The following SV2C variants were observed in gnomAD, a reference collection of about 807,000 sequenced individuals.
SV2C encodes the protein synaptic vesicle glycoprotein 2C.
A neutral mutation model predicts 79.7 loss-of-function variants in SV2C; 49 were observed. That is an observed-to-expected ratio of 0.61 (90% CI 0.49 to 0.78). The LOEUF (loss-of-function observed/expected upper bound fraction) is 0.78. Ranked by LOEUF, SV2C falls within the 30% of genes least tolerant of loss-of-function variation. SV2C has a pLI of 0.00. For synonymous variants in SV2C, 334 were observed against 333.2 expected (o/e 1.00, Z -0.03); for missense variants, 833 against 912.9 (o/e 0.91, Z 1.13).
At chr5:75,958,564 G>A in the SV2C span, among the ~76,000 whole-genome samples, 2 of 151,884 alleles carry the variant, frequency 1.3e-5, no homozygotes, top group African/African-American at 2.4e-5. Context: ...TGCATCCTTC[G>A]CCCTGACTTT....
intron 1 of SV2C, among the ~76,000 whole-genome samples, chr5:76,086,892 C>T (rs1389450393): frequency 6.6e-6 from 1 of 152,116 alleles, no homozygotes; most frequent in Non-Finnish European, 1.5e-5. Flanking sequence ...TTAGGGACAG[C>T]AGTAGTATTT....
the SV2C span, among the ~76,000 whole-genome samples, chr5:75,936,198 CCT>C: frequency 6.6e-6 from 1 of 152,040 alleles, no homozygotes; most frequent in African/African-American, 2.4e-5. Context: ...CTATGTCTTC[CCT>C]CTCTCTCTCC....
chr5:75,970,204 G>T, the SV2C span, among the ~76,000 whole-genome samples: 1 of 151,788 alleles, frequency 6.6e-6, no homozygotes, highest in Non-Finnish European at 1.5e-5. Context: ...AGCACTAAAT[G>T]CCCACAAGAG....
At chr5:76,094,784 G>T (rs938242867) in intron 1 of SV2C, among the ~76,000 whole-genome samples, 1 of 151,888 alleles carries the variant, frequency 6.6e-6, no homozygotes, top group African/African-American at 2.4e-5. Flanking sequence ...TTTTCAATTG[G>T]GTTGCTTGCT....
chr5:75,876,434 AAGAG>A, the SV2C span, among the ~76,000 whole-genome samples: 2 of 152,036 alleles, frequency 1.3e-5, no homozygotes, highest in Non-Finnish European at 2.9e-5. Flanking sequence ...GTAGGGTGGG[AAGAG>A]AGAGAGGAGC....
chr5:76,032,366 T>C, the SV2C span, among the ~76,000 whole-genome samples: 1 of 152,200 alleles, frequency 6.6e-6, no homozygotes, highest in Non-Finnish European at 1.5e-5. Context: ...CATCTAGCAT[T>C]AGGTATATCT....
At chr5:76,025,389 A>T in the SV2C span, among the ~76,000 whole-genome samples, 1 of 152,128 alleles carries the variant, frequency 6.6e-6, no homozygotes, top group Non-Finnish European at 1.5e-5. Context: ...ATATGTTCAG[A>T]TGGCATAATG....
rs1749050894 is a variant in SV2C at position 76,327,609 on chromosome 5, GA to G, written c.*2064del. ...GGGGACCTGAGCAGGTCTTTTAGTT[GA>G]ATGCAGCATGTGCAGAAATAACTGC... On this transcript the variant is annotated 3_prime_UTR_variant, in exon 13 of 13. Coordinates refer to ENST00000502798, the MANE Select transcript of SV2C (RefSeq NM_014979.4). 1 of 152,154 alleles carries G rather than the reference GA, an allele frequency of 6.6e-6. No individual in the cohort carries two copies. Among genetic ancestry groups the G allele is most frequent in the African/African-American group, 2.4e-5 (1 of 41,420 alleles). The allele number at this position is 152,154 out of a possible 1,614,324, so 9.4% of individuals were successfully genotyped here.
downstream of SV2C, among the ~76,000 whole-genome samples, chr5:76,338,234 A>C (rs73764349): frequency 0.056 from 8,525 of 152,282 alleles, 822 homozygotes; most frequent in African/African-American, 0.19. Context: ...GATAAGCTCC[A>C]ACCTTGACTC....
chr5:76,241,183 T>TC (rs905158106), intron 4 of SV2C, among the ~76,000 whole-genome samples: 8 of 34,978 alleles, frequency 2.3e-4, no homozygotes, highest in African/African-American at 1.4e-3. Flanking sequence ...TCTCAATCTC[T>TC]TTTTTTTTTT....
At chr5:76,316,129 A>G (rs1450762249) in intron 12 of SV2C, among the ~76,000 whole-genome samples, 1 of 152,250 alleles carries the variant, frequency 6.6e-6, no homozygotes, top group South Asian at 2.1e-4. Flanking sequence ...AATGAAAAAA[A>G]AGCAGAAAGC....
At chr5:76,096,157 A>C (rs965080551) in intron 1 of SV2C, among the ~76,000 whole-genome samples, 2 of 152,172 alleles carry the variant, frequency 1.3e-5, no homozygotes, top group African/African-American at 4.8e-5. Context: ...CCAGCACCTC[A>C]TATGGCTTGG....
At chr5:76,110,520 C>T (rs1862520) in intron 1 of SV2C, among the ~76,000 whole-genome samples, 30,792 of 152,112 alleles carry the variant, frequency 0.2, 3,358 homozygotes, top group East Asian at 0.42. Context: ...AGCAGACCCT[C>T]GGGGTTTCTG....
chr5:76,107,861 A>C (rs1448888753), intron 1 of SV2C, among the ~76,000 whole-genome samples: 1 of 152,192 alleles, frequency 6.6e-6, no homozygotes, highest in Non-Finnish European at 1.5e-5. Context: ...TCAAAAAAAA[A>C]CAAAAGCAAG....
chr5:75,907,672 C>T, the SV2C span, among the ~76,000 whole-genome samples: 8 of 152,116 alleles, frequency 5.3e-5, no homozygotes, highest in Admixed American at 3.9e-4. Flanking sequence ...TGGTTGGGAC[C>T]AAGGCTGTCT....
At chr5:76,139,726 C>A (rs1251231207) in intron 2 of SV2C, among the ~76,000 whole-genome samples, 95 of 152,188 alleles carry the variant, frequency 6.2e-4, no homozygotes, top group African/African-American at 2.1e-3. Flanking sequence ...GCAATATTAG[C>A]TAGAGTCAAT....
At chr5:75,904,180 C>G in the SV2C span, among the ~76,000 whole-genome samples, 1 of 151,900 alleles carries the variant, frequency 6.6e-6, no homozygotes, top group Non-Finnish European at 1.5e-5. Flanking sequence ...GAGAGATAAA[C>G]TTTTTTTTCC....
intron 2 of SV2C, among the ~76,000 whole-genome samples, chr5:76,160,760 A>G (rs141149052): frequency 1.6e-3 from 250 of 152,346 alleles, no homozygotes; most frequent in African/African-American, 5.2e-3. Context: ...TTTTCAAATG[A>G]CCAATAAGCA....
chr5:76,190,052 G>T (rs1324061608), intron 2 of SV2C, among the ~76,000 whole-genome samples: 2 of 152,224 alleles, frequency 1.3e-5, no homozygotes, highest in Admixed American at 1.3e-4. Context: ...GCTGGTGGAA[G>T]CAGAAGGAAG....
Sources: gnomAD v4.1 joint callset for allele counts (sites outside exome capture counted in the v4.1 genomes callset) on GRCh38, gnomAD v4.1.1 for gene constraint, MANE v1.5 for transcripts, NCBI Gene and HGNC (gene_info 2026-07-23, HGNC 2026-07-21) for gene names.